The following GALNT18 variants were observed in gnomAD, a reference collection of about 807,000 sequenced individuals.
The protein encoded by GALNT18 is GalNAc-transferase 18.
In GALNT18, 44 loss-of-function variants were observed where a neutral mutation model predicts 69.5. That is an observed-to-expected ratio of 0.63 (90% CI 0.50 to 0.81). The LOEUF is 0.81. Ranked by LOEUF, GALNT18 falls within the 40% of genes least tolerant of loss-of-function variation. The pLI is 0.00. For missense variants in GALNT18, 715 were observed against 810.0 expected, an observed-to-expected ratio of 0.88 and a Z score of 1.42; for synonymous variants, 364 against 318.2, an observed-to-expected ratio of 1.14 and a Z score of -1.53.
At chr11:11,479,242 T>TGAAAAAAAA (rs200624869) in intron 1 of GALNT18, among the ~76,000 whole-genome samples, 12 of 152,224 alleles carry the variant, frequency 7.9e-5, no homozygotes, top group African/African-American at 2.9e-4. Context: ...AAAATAAAGT[T>TGAAAAAAAA]TACATCATGG....
At chr11:11,399,645 T>C (rs1458983413) in intron 3 of GALNT18, among the ~76,000 whole-genome samples, 1 of 152,242 alleles carries the variant, frequency 6.6e-6, no homozygotes, top group African/African-American at 2.4e-5. Flanking sequence ...AGGGCTTCAC[T>C]AACAGGGTTT....
intron 8 of GALNT18, among the ~76,000 whole-genome samples, chr11:11,330,904 G>A (rs1379069526): frequency 6.6e-6 from 1 of 152,194 alleles, no homozygotes; most frequent in African/African-American, 2.4e-5. Flanking sequence ...ATCCTGCTCA[G>A]CCACAGCTGA....
intron 1 of GALNT18, among the ~76,000 whole-genome samples, chr11:11,609,902 C>G (rs1488307848): frequency 5.3e-5 from 8 of 152,114 alleles, no homozygotes; most frequent in Non-Finnish European, 1.2e-4. Context: ...GGTCCCCTAC[C>G]CCACCCCATG....
chr11:11,306,978 A>T (rs938985322), intron 9 of GALNT18, among the ~76,000 whole-genome samples: 2 of 152,208 alleles, frequency 1.3e-5, no homozygotes, highest in Admixed American at 1.3e-4. Context: ...CATGTGTAGA[A>T]GCCTGGCCTA....
chr11:11,393,223 G>T (rs1432323606), intron 3 of GALNT18, among the ~76,000 whole-genome samples: 4 of 152,174 alleles, frequency 2.6e-5, no homozygotes, highest in African/African-American at 9.7e-5. Context: ...CAGCCCTGGG[G>T]TTACTGATGG....
In GALNT18 at chr11:11,602,122, A is replaced by G. The variant is rs140021183; in HGVS notation, c.235+19237T>C. Among the ~76,000 whole-genome samples, 160 of 152,216 alleles carry G rather than the reference A, an allele frequency of 1.1e-3. No homozygotes were observed. Among genetic ancestry groups the G allele is most frequent in the African/African-American group, 3.6e-3 (151 of 41,536 alleles). On this transcript the variant is annotated intron_variant, in intron 1 of 10. Coordinates refer to ENST00000227756, the MANE Select transcript of GALNT18 (RefSeq NM_198516.3). This position sits in a 1 kb window ranked among gnomAD's most constrained non-coding sequence, Gnocchi z 4.7. Reference sequence around the variant, plus strand: ...TATCCCTGGGCAGAATATCTATACCACTGCTCTGGAGTTGTAAGTAGGAAT... The same window carrying G: ...TATCCCTGGGCAGAATATCTATACCGCTGCTCTGGAGTTGTAAGTAGGAAT...
At chr11:11,417,180 T>C (rs1384337717) in intron 3 of GALNT18, among the ~76,000 whole-genome samples, 1 of 152,196 alleles carries the variant, frequency 6.6e-6, no homozygotes, top group East Asian at 1.9e-4. Flanking sequence ...TGCGCCTTTC[T>C]GAAACGGCTG....
At chr11:11,305,602 C>G (rs946002627) in intron 9 of GALNT18, among the ~76,000 whole-genome samples, 2 of 152,130 alleles carry the variant, frequency 1.3e-5, no homozygotes, top group Non-Finnish European at 2.9e-5. Flanking sequence ...TGACTAGAGA[C>G]AGTTTACACA....
intron 1 of GALNT18, among the ~76,000 whole-genome samples, chr11:11,477,698 A>G (rs1210487197): frequency 6.6e-6 from 1 of 152,254 alleles, no homozygotes; most frequent in African/African-American, 2.4e-5. Flanking sequence ...GTGTTTTGGT[A>G]TAAATTTATA....
intron 3 of GALNT18, among the ~76,000 whole-genome samples, chr11:11,398,038 C>A (rs1251138057): frequency 2.6e-5 from 4 of 152,178 alleles, no homozygotes; most frequent in Non-Finnish European, 5.9e-5. Flanking sequence ...TGCAATGTTC[C>A]CTCACTGAAG....
chr11:11,342,028 G>A (rs947664363), intron 6 of GALNT18, among the ~76,000 whole-genome samples: 61 of 151,756 alleles, frequency 4.0e-4, no homozygotes, highest in African/African-American at 1.0e-3. Flanking sequence ...GTCTTTGCTC[G>A]ATATTCAGAG....
At chr11:11,284,538 C>T (rs948646197) in intron 10 of GALNT18, among the ~76,000 whole-genome samples, 4 of 152,166 alleles carry the variant, frequency 2.6e-5, no homozygotes, top group East Asian at 1.9e-4. Context: ...TGAGGTGGAA[C>T]GTCTGGAGTA....
intron 3 of GALNT18, among the ~76,000 whole-genome samples, chr11:11,409,017 G>T (rs1854662323): frequency 6.6e-6 from 1 of 152,198 alleles, no homozygotes; most frequent in South Asian, 2.1e-4. Context: ...TGACGTGGTG[G>T]TGAGGCATTG....
intron 10 of GALNT18, among the ~76,000 whole-genome samples, chr11:11,281,007 C>A (rs1333282392): frequency 1.3e-5 from 2 of 152,092 alleles, no homozygotes. Context: ...ATCTGCTGCC[C>A]ACACCCAGGC....
intron 1 of GALNT18, among the ~76,000 whole-genome samples, chr11:11,550,616 TGACACAGACA>T (rs1460773380): frequency 6.6e-6 from 1 of 152,202 alleles, no homozygotes; most frequent in East Asian, 1.9e-4. Flanking sequence ...GGATACTCAT[TGACACAGACA>T]GGTAAGGACC....
intron 1 of GALNT18, among the ~76,000 whole-genome samples, chr11:11,476,614 G>A (rs766209583): frequency 1.8e-4 from 28 of 152,146 alleles, no homozygotes; most frequent in Non-Finnish European, 3.7e-4. Context: ...GGAATGTCCT[G>A]TTCTCAGGAA....
chr11:11,292,172 T>TC (rs1849313052), intron 10 of GALNT18, among the ~76,000 whole-genome samples: 1 of 152,102 alleles, frequency 6.6e-6, no homozygotes, highest in Admixed American at 6.5e-5. Context: ...GCCCTGAGGC[T>TC]CCACAACCCC....
intron 6 of GALNT18, chr11:11,351,977 C>A: frequency 6.2e-7 from 1 of 1,609,028 alleles, no homozygotes; most frequent in Non-Finnish European, 8.5e-7. Flanking sequence ...CTGGAACAGG[C>A]ATCCCAAGGG....
chr11:11,607,723 T>C (rs1345417697), intron 1 of GALNT18, among the ~76,000 whole-genome samples: 1 of 152,198 alleles, frequency 6.6e-6, no homozygotes, highest in Non-Finnish European at 1.5e-5. Context: ...TAGGCTGATG[T>C]GGCTTCAATT....
Sources: allele counts gnomAD v4.1 joint callset (sites outside exome capture counted in the v4.1 genomes callset), GRCh38; gene constraint gnomAD v4.1.1; non-coding constraint Gnocchi (gnomAD v3.1); transcripts MANE v1.5; gene names NCBI Gene and HGNC (gene_info 2026-07-23, HGNC 2026-07-21).